CERS6: variants seen among roughly 807,000 people sequenced by gnomAD.
CERS6 encodes ceramide synthase 6, also known as LAG1 homolog, ceramide synthase 6.
In CERS6, 26 loss-of-function variants were observed where a neutral mutation model predicts 56.8. That is an observed-to-expected ratio of 0.46 (90% CI 0.34 to 0.63). The LOEUF is 0.63. Ranked by LOEUF, CERS6 falls within the 30% of genes least tolerant of loss-of-function variation. CERS6 has a pLI of 0.01. For synonymous variants in CERS6, 164 were observed against 173.3 expected, an observed-to-expected ratio of 0.95 and a Z score of 0.42; for missense variants, 415 against 467.5, an observed-to-expected ratio of 0.89 and a Z score of 1.04.
At chr2:168,673,185 T>C (rs1397063784) in intron 4 of CERS6, among the ~76,000 whole-genome samples, 1 of 152,210 alleles carries the variant, frequency 6.6e-6, no homozygotes, top group East Asian at 1.9e-4. Flanking sequence ...AAAATTTTAT[T>C]TTTTAATACC....
intron 8 of CERS6, among the ~76,000 whole-genome samples, chr2:168,735,671 T>G (rs1486717105): frequency 6.7e-6 from 1 of 149,604 alleles, no homozygotes; most frequent in Non-Finnish European, 1.5e-5. Flanking sequence ...AGCTCAGGAG[T>G]TCAAGACCAG....
intron 2 of CERS6, among the ~76,000 whole-genome samples, chr2:168,560,050 A>G (rs1320892911): frequency 2.0e-5 from 3 of 152,066 alleles, no homozygotes; most frequent in African/African-American, 7.2e-5. Flanking sequence ...TGGACAATTT[A>G]CAACAAGAAG....
At chr2:168,766,187 G>A in intron 9 of CERS6, 1 of 747,554 alleles carries the variant, frequency 1.3e-6, no homozygotes, top group East Asian at 2.6e-5. Context: ...TTGGTTAAAA[G>A]TGGACTTGAG....
intron 4 of CERS6, among the ~76,000 whole-genome samples, chr2:168,690,280 A>G (rs1686465716): frequency 6.6e-6 from 1 of 152,192 alleles, no homozygotes; most frequent in South Asian, 2.1e-4. Flanking sequence ...GAATTATAAC[A>G]TTAATACTTC....
chr2:168,485,586 T>C (rs1694261984), intron 1 of CERS6, among the ~76,000 whole-genome samples: 1 of 152,344 alleles, frequency 6.6e-6, no homozygotes, highest in Middle Eastern at 3.4e-3. Flanking sequence ...TTTCATTTAG[T>C]TGGAATCATA....
chr2:168,498,435 G>A (rs114906015), intron 1 of CERS6, among the ~76,000 whole-genome samples: 2,920 of 152,212 alleles, frequency 0.019, 70 homozygotes, highest in African/African-American at 0.051. Context: ...AAACTGAAAA[G>A]CAATGCTTCC....
chr2:168,548,650 T>A (rs1383023150), intron 2 of CERS6, among the ~76,000 whole-genome samples: 2 of 152,234 alleles, frequency 1.3e-5, no homozygotes, highest in African/African-American at 4.8e-5. Context: ...CAAATTCTAT[T>A]TCTTTTCTTG....
At chr2:168,457,539 C>A (rs1573995197) in intron 1 of CERS6, among the ~76,000 whole-genome samples, 1 of 152,164 alleles carries the variant, frequency 6.6e-6, no homozygotes, top group African/African-American at 2.4e-5. Context: ...GACAGCAGCA[C>A]ACTTTTTTTT....
At chr2:168,672,789 A>G (rs1392889267) in intron 4 of CERS6, among the ~76,000 whole-genome samples, 2 of 152,202 alleles carry the variant, frequency 1.3e-5, no homozygotes. Context: ...GCATTAATCT[A>G]TCCTACTTGT....
chr2:168,501,561 C>A (rs972990403), intron 1 of CERS6, among the ~76,000 whole-genome samples: 1 of 152,174 alleles, frequency 6.6e-6, no homozygotes, highest in Admixed American at 6.5e-5. Context: ...ATGGACCAAC[C>A]AGTAACAATT....
intron 6 of CERS6, among the ~76,000 whole-genome samples, chr2:168,713,594 G>T (rs537958515): frequency 1.3e-5 from 2 of 152,152 alleles, no homozygotes; most frequent in Non-Finnish European, 2.9e-5. Context: ...AGGCCAAGAT[G>T]AGGTTCCCTT....
chr2:168,555,525 A>G (rs1305416248), intron 2 of CERS6, among the ~76,000 whole-genome samples: 1 of 152,096 alleles, frequency 6.6e-6, no homozygotes, highest in Non-Finnish European at 1.5e-5. Flanking sequence ...TTTAACTTAT[A>G]TAAAAAAATT....
At chr2:168,760,319 G>A (rs1684536725) in intron 8 of CERS6, among the ~76,000 whole-genome samples, 1 of 152,170 alleles carries the variant, frequency 6.6e-6, no homozygotes, top group Admixed American at 6.5e-5. Context: ...GAAGCATCCA[G>A]CACGGGAGAA....
At chr2:168,511,699 TAATC>T (rs1309189994) in intron 1 of CERS6, among the ~76,000 whole-genome samples, 3 of 152,204 alleles carry the variant, frequency 2.0e-5, no homozygotes, top group Admixed American at 1.3e-4. Context: ...ACTTCTCAAT[TAATC>T]CTGTTTTTCT....
intron 8 of CERS6, among the ~76,000 whole-genome samples, chr2:168,725,929 T>C (rs1683336886): frequency 6.6e-6 from 1 of 152,242 alleles, no homozygotes; most frequent in Non-Finnish European, 1.5e-5. Context: ...CTACCCATCA[T>C]TGTAAGCTGT....
At chr2:168,583,418 C>G (rs892942399) in intron 3 of CERS6, among the ~76,000 whole-genome samples, 1 of 152,192 alleles carries the variant, frequency 6.6e-6, no homozygotes, top group African/African-American at 2.4e-5. Context: ...CAAAGCCTAA[C>G]TATAGATCAT....
chr2:168,650,406 T>C (rs1341481815), intron 4 of CERS6, among the ~76,000 whole-genome samples: 2 of 152,206 alleles, frequency 1.3e-5, no homozygotes, highest in African/African-American at 4.8e-5. Context: ...TGGGAATTTA[T>C]TACTACAACC....
At chr2:168,627,592 G>A (rs4667584) in intron 3 of CERS6, among the ~76,000 whole-genome samples, 149,596 of 151,760 alleles carry the variant, frequency 0.99, 73,759 homozygotes, top group East Asian at 1. Flanking sequence ...CATTTGATTT[G>A]TGTGTGTTGA....
chr2:168,567,422 C>G (rs1695903125), intron 3 of CERS6, among the ~76,000 whole-genome samples: 3 of 152,190 alleles, frequency 2.0e-5, no homozygotes. Flanking sequence ...AATTACAATT[C>G]TGCTGCAGCA....
Sources: gnomAD v4.1 joint callset for allele counts (sites outside exome capture counted in the v4.1 genomes callset) on GRCh38, gnomAD v4.1.1 for gene constraint, MANE v1.5 for transcripts, NCBI Gene and HGNC (gene_info 2026-07-23, HGNC 2026-07-21) for gene names.